The following TMEM259 variants were observed in gnomAD, a reference collection of about 807,000 sequenced individuals.
The protein encoded by TMEM259 is membralin.
Under a neutral mutation model 46.7 loss-of-function variants are expected in TMEM259, and 26 were observed. That is an observed-to-expected ratio of 0.56 (90% CI 0.41 to 0.77). The LOEUF (loss-of-function observed/expected upper bound fraction) is 0.77, where lower values mean the gene tolerates loss of function less well. TMEM259 is among the 30% of genes least tolerant of loss of function. The probability of loss-of-function intolerance (pLI) is 0.00; values close to 1 mark genes in which losing one functional copy is unlikely to be tolerated. For synonymous variants in TMEM259, 494 were observed against 395.1 expected (o/e 1.25, Z -2.97); for missense variants, 930 against 900.5 (o/e 1.03, Z -0.42).
rs2145558764 is a variant in TMEM259, at chr19:1,010,730, A to T, written c.1483T>A (p.Ser495Thr). The change falls in exon 11 of 11, where the codon TCT (serine) becomes ACT (threonine). Residue 495 changes from serine to threonine, a missense_variant. Coordinates refer to ENST00000356663, the MANE Select transcript of TMEM259 (RefSeq NM_001033026.2). ...CCCAGGGCGGGGGGCTGGCCGGCAGAGTCAGGGGCTGTAGCCGGGGCGCCC... is the reference window on the plus strand; with the variant it reads ...CCCAGGGCGGGGGGCTGGCCGGCAGTGTCAGGGGCTGTAGCCGGGGCGCCC... ...NSGAPATAPD[S>T]AGQPPALGPV... The T allele has an allele frequency of 6.5e-7, 1 of 1,529,284 alleles. No individual in the cohort carries two copies. 94.7% of individuals were successfully genotyped at this position (1,529,284 alleles called of 1,614,324 possible). A position where few individuals can be genotyped will look rare whatever the true frequency, so the allele number is the denominator to read the frequency against.
intron 1 of TMEM259, among the ~76,000 whole-genome samples, chr19:1,017,059 G>A (rs924960294): frequency 5.9e-5 from 9 of 152,076 alleles, no homozygotes; most frequent in African/African-American, 2.2e-4. Flanking sequence ...GACAAGGCCC[G>A]TTGCCGCCAA....
intron 1 of TMEM259, among the ~76,000 whole-genome samples, chr19:1,017,656 C>T (rs1178748122): frequency 6.6e-6 from 1 of 152,198 alleles, no homozygotes; most frequent in African/African-American, 2.4e-5. Flanking sequence ...GGCCGAGGCT[C>T]TCAGGGCACC....
At chr19:1,011,314 C>T in intron 9 of TMEM259, 53 bp downstream of exon 9, 1 of 1,545,838 alleles carries the variant, frequency 6.5e-7, no homozygotes. Context: ...TCTGGCAGCC[C>T]CCTACCCCTG....
chr19:1,015,391 G>A (rs572498439), intron 1 of TMEM259, among the ~76,000 whole-genome samples: 1 of 152,286 alleles, frequency 6.6e-6, no homozygotes, highest in East Asian at 1.9e-4. Context: ...GCCCCACCCC[G>A]ACGTCCACAG....
rs757457166 is a variant in TMEM259 at position 1,010,494 on chromosome 19, A to G, written c.1719T>C (p.Ala573=). ...ERRPASPLGP[A]GGLPHAPQDS... is the part of the protein sequence containing the mutation. ...CCTGGGGGGCGTGGGGGAGGCCCCC[A>G]GCAGGGCCCAGCGGGCTGGCTGGAC... The change falls in exon 11 of 11, where the codon GCT becomes GCC. Residue 573 remains alanine (A), a synonymous_variant. Transcript: ENST00000356663. The G allele has an allele frequency of 7.9e-5, 122 of 1,546,684 alleles. No homozygotes were observed. Among genetic ancestry groups the G allele is most frequent in the Non-Finnish European group, 1.0e-4 (120 of 1,145,958 alleles).
chr19:1,011,565 G>A lies in TMEM259; in HGVS notation c.1084+15C>T, dbSNP rs749716860. ...GGTGCAGCGCGGGGCGGGGGAGGCC[G>A]GGTGGGGTCCTCACCGACGAGGGCC... On this transcript the variant is annotated intron_variant, in intron 8 of 10. Transcript: ENST00000356663. 90 of 1,540,870 alleles carry A rather than the reference G, an allele frequency of 5.8e-5. 1 individual carries two copies. Among genetic ancestry groups the A allele is most frequent in the Middle Eastern group, 2.2e-4 (1 of 4,580 alleles).
chr19:1,016,086 G>T (rs1417669420), intron 1 of TMEM259, among the ~76,000 whole-genome samples: 1 of 148,392 alleles, frequency 6.7e-6, no homozygotes, highest in Non-Finnish European at 1.5e-5. Context: ...CAAAAGAGCC[G>T]CAGGGGATGA....
In TMEM259 at chr19:1,012,199, G is replaced by A; in HGVS notation, c.719-11C>T. ...GGTCCCGCGTGGGGTCTGCGGGTGG[G>A]TGAATCAGGGAGCCGGGAGCCCCGC... On this transcript the variant is annotated splice_polypyrimidine_tract_variant and intron_variant, in intron 4 of 10. Transcript: ENST00000356663. 6.3e-7 allele frequency: 1 copy of A among 1,593,364 alleles called. No homozygotes were observed. Among genetic ancestry groups the A allele is most frequent in the East Asian group, 2.3e-5 (1 of 43,718 alleles).
intron 1 of TMEM259, among the ~76,000 whole-genome samples, chr19:1,017,751 G>A (rs1318606060): frequency 1.3e-5 from 2 of 152,122 alleles, no homozygotes. Flanking sequence ...CGCTCTCTGG[G>A]TATTTGACTG....
At chr19:1,012,233 C>A (rs1005794782) in intron 4 of TMEM259, 45 bp from the exon 5 acceptor site, 7 of 1,562,438 alleles carry the variant, frequency 4.5e-6, no homozygotes, top group Admixed American at 3.8e-5. Context: ...GCCCAGGCCA[C>A]CCCCTGGGCC....
Position 1,010,252 on chromosome 19 carries a change from A to C in TMEM259, c.*98T>G, listed in dbSNP as rs2038855826. On this transcript the variant is annotated 3_prime_UTR_variant, in exon 11 of 11. Coordinates refer to ENST00000356663, the MANE Select transcript of TMEM259 (RefSeq NM_001033026.2). ...TGAAAGCCCCCGACACAGGCTGGGCAGTCCCAGAGGAAGGAGGTGGCTGGC... is the reference window on the plus strand; with the variant it reads ...TGAAAGCCCCCGACACAGGCTGGGCCGTCCCAGAGGAAGGAGGTGGCTGGC... The C allele has an allele frequency of 1.7e-6, 2 of 1,143,394 alleles. No homozygotes were observed. The highest frequency in any genetic ancestry group is 2.3e-6 in the Non-Finnish European group (2 of 856,030). The allele number at this position is 1,143,394 out of a possible 1,614,324, so 70.8% of individuals were successfully genotyped here. A position where few individuals can be genotyped will look rare whatever the true frequency, so the allele number is the denominator to read the frequency against.
chr19:1,015,886 G>C (rs187239078), intron 1 of TMEM259, among the ~76,000 whole-genome samples: 1 of 152,284 alleles, frequency 6.6e-6, no homozygotes, highest in African/African-American at 2.4e-5. Context: ...GCAAAGGGCC[G>C]AGTCAGCAAA....
chr19:1,019,015 C>T (rs994382750), intron 1 of TMEM259, among the ~76,000 whole-genome samples: 4 of 151,970 alleles, frequency 2.6e-5, no homozygotes, highest in Non-Finnish European at 5.9e-5. Flanking sequence ...AATTCACCAC[C>T]CAGAGATCTC....
intron 1 of TMEM259, among the ~76,000 whole-genome samples, chr19:1,017,926 T>C (rs1391880628): frequency 6.6e-6 from 1 of 152,094 alleles, no homozygotes; most frequent in Non-Finnish European, 1.5e-5. Flanking sequence ...CACTGCAGCC[T>C]CACAGTGGCC....
intron 1 of TMEM259, among the ~76,000 whole-genome samples, chr19:1,018,871 C>A (rs570452614): frequency 6.6e-6 from 1 of 152,082 alleles, no homozygotes; most frequent in Non-Finnish European, 1.5e-5. Context: ...ACCGGTAATC[C>A]TAGCTACTCC....
At position 1,014,398 on chromosome 19, in the gene TMEM259, C is replaced by T. The variant is rs754148051; in HGVS notation, c.301G>A (p.Val101Met). 6.2e-7 allele frequency: 1 copy of T among 1,612,848 alleles called. No homozygotes were observed. Among genetic ancestry groups the T allele is most frequent in the South Asian group, 1.1e-5 (1 of 91,074 alleles). Residue 101 changes from valine (V) to methionine (M), a missense_variant, in exon 2 of 11, where the codon GTG becomes ATG. Physicochemically the swap from Val to Met is conservative, Grantham distance 21. Coordinates refer to ENST00000356663, the MANE Select transcript of TMEM259 (RefSeq NM_001033026.2). ...CCCTCACGCGGCCACTTGTCACGCA[C>T]ATGCTCCAGGCAGTTGATGGGCGAG... ...SRSPINCLEH[V>M]RDKWPREGIL...
In TMEM259 at chr19:1,010,017, G is replaced by A; in HGVS notation, c.*333C>T. 1 of 355,972 alleles carries A rather than the reference G, an allele frequency of 2.8e-6. No homozygotes were observed. Among genetic ancestry groups the A allele is most frequent in the Non-Finnish European group, 5.1e-6 (1 of 197,738 alleles). 22.1% of individuals were successfully genotyped at this position (355,972 alleles called of 1,614,324 possible). On this transcript the variant is annotated 3_prime_UTR_variant, in exon 11 of 11. Coordinates refer to ENST00000356663, the MANE Select transcript of TMEM259 (RefSeq NM_001033026.2). ...AAGCCGGCCTCTCCTCCACACCTCC[G>A]CCTTGCTCAGAGACCTGCACCATGG...
rs116854930 is a variant in TMEM259, at chr19:1,012,000, A to G, written c.842-8T>C. 243,811 of 1,611,416 alleles carry G rather than the reference A, an allele frequency of 0.15. 19,320 individuals are homozygous for G. The highest frequency in any genetic ancestry group is 0.22 in the Middle Eastern group (1,322 of 6,056). ...CCACATTCCGCAGGAAGCCTGCAGC[A>G]GAAGGAGCCGTGAGCGCCCGCCCCC... On this transcript the variant is annotated splice_region_variant and splice_polypyrimidine_tract_variant and intron_variant, in intron 5 of 10. Coordinates refer to ENST00000356663, the MANE Select transcript of TMEM259 (RefSeq NM_001033026.2).
Position 1,020,991 on chromosome 19 carries a change from C to T in TMEM259, c.6G>A (p.Ser2=). M[S]EHVEPAAPGP... ...CCGGAGCTGCGGGCTCCACGTGCTCCGACATGCCTCCCAGCGTCGCGCCCT... is the reference window on the plus strand; with the variant it reads ...CCGGAGCTGCGGGCTCCACGTGCTCTGACATGCCTCCCAGCGTCGCGCCCT... The change falls in exon 1 of 11, where the codon TCG becomes TCA. Residue 2 remains serine (S), a synonymous_variant. Transcript: ENST00000356663. The surrounding 1 kb of genome is among the most constrained non-coding windows in gnomAD (Gnocchi z 4.0). The T allele has an allele frequency of 7.4e-7, 1 of 1,353,560 alleles. No homozygotes were observed. The highest frequency in any genetic ancestry group is 9.6e-7 in the Non-Finnish European group (1 of 1,042,718). The allele number at this position is 1,353,560 out of a possible 1,614,324, so 83.8% of individuals were successfully genotyped here. A position where few individuals can be genotyped will look rare whatever the true frequency, so the allele number is the denominator to read the frequency against.
Sources: gnomAD v4.1 joint callset for allele counts (sites outside exome capture counted in the v4.1 genomes callset) on GRCh38, gnomAD v4.1.1 for gene constraint, Gnocchi (gnomAD v3.1) non-coding constraint, MANE v1.5 for transcripts, NCBI Gene and HGNC (gene_info 2026-07-23, HGNC 2026-07-21) for gene names.